SRPX: variants seen among roughly 807,000 people sequenced by gnomAD.
SRPX encodes the protein sushi repeat containing protein X-linked, also known as sushi repeat-containing protein SRPX.
A neutral mutation model predicts 38.1 loss-of-function variants in SRPX; 24 were observed. The ratio of observed to expected loss-of-function variants is 0.63; its 90% CI spans 0.46 to 0.89. The LOEUF (loss-of-function observed/expected upper bound fraction) is 0.89, where lower values mean the gene tolerates loss of function less well. Among genes scored for constraint, SRPX ranks in the 40% least tolerant of loss-of-function variants. The pLI is 0.00. For missense variants in SRPX, 416 were observed against 377.8 expected (o/e 1.10, Z -0.84); for synonymous variants, 184 against 153.8 (o/e 1.20, Z -1.45).
intron 1 of SRPX, among the ~76,000 whole-genome samples, chrX:38,196,320 T>C (rs1411127106): frequency 8.9e-6 from 1 of 112,663 alleles, no homozygotes; most frequent in African/African-American, 3.2e-5. Flanking sequence ...TTTTCACTTT[T>C]TTGAATACAA....
chrX:38,204,107 A>G (rs753353062), intron 1 of SRPX, among the ~76,000 whole-genome samples: 2 of 112,318 alleles, frequency 1.8e-5, no homozygotes, highest in African/African-American at 6.5e-5. Context: ...AAATAAATGG[A>G]GAGATGTACC....
chrX:38,151,749 C>T lies in SRPX; in HGVS notation c.1212-1855G>A, dbSNP rs185681704. On this transcript the variant is annotated intron_variant, in intron 9 of 9. Coordinates refer to ENST00000378533, the MANE Select transcript of SRPX (RefSeq NM_006307.5). ...CAAAATCGGGGATGAGGTGTGATGC[C>T]GACAGTATGCCTGAGTTACATATGT... 7.2e-5 allele frequency among the ~76,000 whole-genome samples: 8 copies of T among 111,096 alleles called. No individual in the cohort carries two copies. The East Asian group carries it at 2.3e-3, about 32-fold the overall frequency.
intron 7 of SRPX, among the ~76,000 whole-genome samples, chrX:38,158,324 T>C (rs1409915907): frequency 8.9e-6 from 1 of 112,258 alleles, no homozygotes; most frequent in Non-Finnish European, 1.9e-5. Flanking sequence ...TCAAGGTCAA[T>C]GAAGGATGTC....
At chrX:38,159,286 A>G (rs1180223645) in intron 7 of SRPX, among the ~76,000 whole-genome samples, 1 of 112,316 alleles carries the variant, frequency 8.9e-6, no homozygotes, top group Non-Finnish European at 1.9e-5. Flanking sequence ...CATTTAGCTG[A>G]TGGTATATAT....
intron 7 of SRPX, among the ~76,000 whole-genome samples, chrX:38,158,840 C>T (rs1032164012): frequency 3.6e-5 from 4 of 110,191 alleles, no homozygotes; most frequent in African/African-American, 1.3e-4. Flanking sequence ...ATTAGCCAGG[C>T]GTGGTGGCAG....
At chrX:38,175,719 G>A (rs1435754562) in intron 2 of SRPX, among the ~76,000 whole-genome samples, 1 of 111,368 alleles carries the variant, frequency 9.0e-6, no homozygotes, top group African/African-American at 3.3e-5. Context: ...TTTGCAGACA[G>A]CTGCAAGTGA....
chrX:38,158,677 C>T (rs1938179252), intron 7 of SRPX, among the ~76,000 whole-genome samples: 1 of 111,293 alleles, frequency 9.0e-6, no homozygotes, highest in Non-Finnish European at 1.9e-5. Flanking sequence ...TTTCTAGTTG[C>T]CTCATTAAAA....
intron 1 of SRPX, among the ~76,000 whole-genome samples, 196 bp downstream of exon 1, chrX:38,220,500 T>C (rs986430664): frequency 8.8e-6 from 1 of 113,610 alleles, no homozygotes; most frequent in Admixed American, 9.2e-5. Context: ...GGAGATGGGA[T>C]GGTCAGTTCT....
At chrX:38,178,193 TG>T in intron 2 of SRPX, 91 bp downstream of exon 2, 1 of 605,460 alleles carries the variant, frequency 1.7e-6, no homozygotes, top group Non-Finnish European at 2.6e-6. Context: ...ATGTGTTGTC[TG>T]GTCACTTTAT....
intron 1 of SRPX, among the ~76,000 whole-genome samples, chrX:38,214,875 C>G (rs1050018687): frequency 1.3e-4 from 14 of 111,811 alleles, no homozygotes; most frequent in Non-Finnish European, 1.9e-4. Context: ...TTGGCAGGGT[C>G]ATTCAGCTCA....
intron 1 of SRPX, among the ~76,000 whole-genome samples, chrX:38,184,469 A>C (rs1218083767): frequency 1.8e-5 from 2 of 111,967 alleles, no homozygotes; most frequent in Non-Finnish European, 3.8e-5. Context: ...GGGAAAATAA[A>C]ATTTACTTTG....
intron 1 of SRPX, among the ~76,000 whole-genome samples, chrX:38,185,019 T>C (rs779293237): frequency 2.7e-5 from 3 of 112,225 alleles, no homozygotes; most frequent in South Asian, 7.4e-4. Context: ...AATAGCCACA[T>C]GTGGTTAATA....
At chrX:38,205,669 C>A (rs1038622701) in intron 1 of SRPX, among the ~76,000 whole-genome samples, 18 of 111,481 alleles carry the variant, frequency 1.6e-4, no homozygotes, top group African/African-American at 4.9e-4. Context: ...TTAATAAAGT[C>A]TTTGTCTTTG....
intron 1 of SRPX, among the ~76,000 whole-genome samples, chrX:38,201,613 C>T (rs892204700): frequency 8.1e-5 from 9 of 111,291 alleles, no homozygotes; most frequent in Non-Finnish European, 1.5e-4. Context: ...GGGCAGATCA[C>T]GAGGTCAGGA....
intron 1 of SRPX, among the ~76,000 whole-genome samples, chrX:38,208,498 A>G (rs1023813256): frequency 8.9e-6 from 1 of 112,238 alleles, no homozygotes; most frequent in African/African-American, 3.2e-5. Context: ...GTAGCAATAC[A>G]TTCCTTTTTT....
chrX:38,211,690 A>G (rs1159690702), intron 1 of SRPX, among the ~76,000 whole-genome samples: 1 of 109,155 alleles, frequency 9.2e-6, no homozygotes, highest in East Asian at 2.9e-4. Context: ...ACAGAGCAAG[A>G]CTCGGTCAAA....
intron 1 of SRPX, among the ~76,000 whole-genome samples, chrX:38,181,406 T>C (rs749272687): frequency 8.9e-6 from 1 of 112,412 alleles, no homozygotes; most frequent in South Asian, 3.7e-4. Context: ...GGGTCTACTT[T>C]TAGTGATTTG....
chrX:38,190,884 C>A (rs1342449319), intron 1 of SRPX, among the ~76,000 whole-genome samples: 2 of 111,542 alleles, frequency 1.8e-5, no homozygotes, highest in African/African-American at 3.3e-5. Context: ...TATCCCTTGA[C>A]TACAGGAGCA....
Position 38,149,847 on chromosome X carries a change from T to C in SRPX, c.1259A>G (p.Asp420Gly). The C allele has an allele frequency of 8.3e-7, 1 of 1,211,261 alleles. No homozygotes were observed. Among genetic ancestry groups the C allele is most frequent in the African/African-American group, 1.7e-5 (1 of 57,794 alleles). The stretch of plus-strand genomic sequence containing the variant: ...GCGCTCTTTGTCCATGCCATGCTTA[T>C]CCACTAGCACCATACTGAAGGAGTA... ...PLYSFSMVLVDKHGMDKERYV... is the reference protein window; with the variant it reads ...PLYSFSMVLVGKHGMDKERYV... Residue 420 changes from aspartate (D) to glycine (G), a missense_variant, in exon 10 of 10, where the codon GAT becomes GGT. Transcript: ENST00000378533.
Sources: gnomAD v4.1 joint callset for allele counts (sites outside exome capture counted in the v4.1 genomes callset) on GRCh38, gnomAD v4.1.1 for gene constraint, MANE v1.5 for transcripts, NCBI Gene and HGNC (gene_info 2026-07-23, HGNC 2026-07-21) for gene names.